The following DTNBP1 variants were observed in gnomAD, a reference collection of about 807,000 sequenced individuals.
DTNBP1 encodes the protein dysbindin.
In DTNBP1, 35 loss-of-function variants were observed where a neutral mutation model predicts 42.8. The observed-to-expected ratio is 0.82, with a 90% CI of 0.63 to 1.09. The LOEUF is 1.09. Ranked by LOEUF, DTNBP1 falls within the 50% of genes least tolerant of loss-of-function variation. DTNBP1 has a pLI of 0.00. For synonymous variants in DTNBP1, 171 were observed against 162.2 expected, an observed-to-expected ratio of 1.05 and a Z score of -0.41; for missense variants, 457 against 424.2, an observed-to-expected ratio of 1.08 and a Z score of -0.68.
At chr6:15,633,972 A>T (rs2113758505) in intron 4 of DTNBP1, among the ~76,000 whole-genome samples, 1 of 152,314 alleles carries the variant, frequency 6.6e-6, no homozygotes, top group African/African-American at 2.4e-5. Flanking sequence ...ATGCACTAAG[A>T]AACTAAAAAA....
chr6:15,655,299 C>G (rs1761219627), intron 1 of DTNBP1, among the ~76,000 whole-genome samples: 1 of 151,886 alleles, frequency 6.6e-6, no homozygotes, highest in East Asian at 1.9e-4. Context: ...TTTTTAAAAA[C>G]CCTTTGTAGA....
chr6:15,569,343 G>A (rs2619534), intron 7 of DTNBP1, among the ~76,000 whole-genome samples: 22,786 of 146,122 alleles, frequency 0.16, 2,708 homozygotes, highest in African/African-American at 0.31. Flanking sequence ...GCTGAAGTCA[G>A]CCAGTTAAGA....
intron 7 of DTNBP1, among the ~76,000 whole-genome samples, chr6:15,543,628 G>A (rs1035339944): frequency 6.6e-6 from 1 of 152,186 alleles, no homozygotes; most frequent in South Asian, 2.1e-4. Flanking sequence ...CAATATGTCA[G>A]TATGTTCAGC....
In DTNBP1 at chr6:15,589,613, G is replaced by T. The variant is rs1157404983; in HGVS notation, c.511+3446C>A. On this transcript the variant is annotated intron_variant, in intron 7 of 9. Transcript: ENST00000344537. ...TATTTCTGCTTCTGAGCCTAGCCCTGAAAATTCAGATTATCATTCCTTACG... is the reference window on the plus strand; with the variant it reads ...TATTTCTGCTTCTGAGCCTAGCCCTTAAAATTCAGATTATCATTCCTTACG... 2.0e-5 allele frequency among the ~76,000 whole-genome samples: 3 copies of T among 152,158 alleles called. No individual in the cohort carries two copies. In the East Asian group the frequency reaches 5.8e-4, roughly 29 times the overall value.
intron 1 of DTNBP1, among the ~76,000 whole-genome samples, chr6:15,655,384 C>T (rs1761223317): frequency 6.6e-6 from 1 of 152,118 alleles, no homozygotes; most frequent in Admixed American, 6.5e-5. Flanking sequence ...CTCAGCCTCC[C>T]CAAGTGCTGG....
At chr6:15,531,350 C>T (rs1325563893) in intron 8 of DTNBP1, among the ~76,000 whole-genome samples, 1 of 152,152 alleles carries the variant, frequency 6.6e-6, no homozygotes, top group Admixed American at 6.5e-5. Flanking sequence ...TGGGAAGCCA[C>T]TCTCTACAAT....
At chr6:15,584,040 G>A (rs949879698) in intron 7 of DTNBP1, among the ~76,000 whole-genome samples, 5 of 152,054 alleles carry the variant, frequency 3.3e-5, no homozygotes, top group African/African-American at 9.7e-5. Context: ...AACTGTCTTA[G>A]AGCCAAAATT....
intron 2 of DTNBP1, 55 bp from the exon 3 acceptor site, chr6:15,651,418 A>G: frequency 6.2e-7 from 1 of 1,605,436 alleles, no homozygotes; most frequent in Admixed American, 1.7e-5. Flanking sequence ...ACTGAAAAAA[A>G]AAAAAAGGTA....
intron 7 of DTNBP1, among the ~76,000 whole-genome samples, chr6:15,571,705 T>C (rs919716939): frequency 6.6e-6 from 1 of 152,180 alleles, no homozygotes; most frequent in African/African-American, 2.4e-5. Context: ...ATTCATAGTA[T>C]TGTCACTATT....
chr6:15,572,094 G>A (rs1455264472), intron 7 of DTNBP1, among the ~76,000 whole-genome samples: 1 of 152,032 alleles, frequency 6.6e-6, no homozygotes, highest in African/African-American at 2.4e-5. Flanking sequence ...ATTATAATTA[G>A]CATGAATTCA....
At chr6:15,609,506 A>C (rs1453908471) in intron 6 of DTNBP1, among the ~76,000 whole-genome samples, 2 of 152,024 alleles carry the variant, frequency 1.3e-5, no homozygotes, top group Non-Finnish European at 2.9e-5. Flanking sequence ...TTTTTAGTAG[A>C]GACAGGTTTT....
chr6:15,548,442 C>CACACAGACACACACAG (rs780253636), intron 7 of DTNBP1: 2 of 41,082 alleles, frequency 4.9e-5, no homozygotes, highest in African/African-American at 1.4e-4. Context: ...CACACAGACA[C>CACACAGACACACACAG]ACACACACAC....
intron 1 of DTNBP1, chr6:15,660,263 C>T: frequency 2.2e-6 from 2 of 890,866 alleles, no homozygotes; most frequent in Non-Finnish European, 3.2e-6. Flanking sequence ...CACATGTGTG[C>T]TGTGTTTAGC....
At chr6:15,542,984 G>T (rs994293893) in intron 7 of DTNBP1, among the ~76,000 whole-genome samples, 7 of 152,266 alleles carry the variant, frequency 4.6e-5, no homozygotes, top group Admixed American at 4.6e-4. Flanking sequence ...ACAGGCATGA[G>T]ACACCGTGCC....
In DTNBP1 at chr6:15,587,411, A is replaced by G. The variant is rs1776123805; in HGVS notation, c.511+5648T>C. ...TTAGAATTGTCAAAATGATCCTAAA[A>G]TTTATATGAAAAGACGAAGGACCTT... On this transcript the variant is annotated intron_variant, in intron 7 of 9. Coordinates refer to ENST00000344537, the MANE Select transcript of DTNBP1 (RefSeq NM_032122.5). The surrounding 1 kb of genome is among the most constrained non-coding windows in gnomAD (Gnocchi z 4.1). Among the ~76,000 whole-genome samples, 1 of 152,206 alleles carries G rather than the reference A, an allele frequency of 6.6e-6. No homozygotes were observed. Among genetic ancestry groups the G allele is most frequent in the Admixed American group, 6.5e-5 (1 of 15,276 alleles).
intron 5 of DTNBP1, among the ~76,000 whole-genome samples, chr6:15,617,874 T>G (rs539087151): frequency 7.2e-5 from 11 of 151,726 alleles, no homozygotes; most frequent in African/African-American, 2.7e-4. Context: ...ATAGACAAAC[T>G]AGACTGTATC....
chr6:15,585,789 A>C, intron 7 of DTNBP1: 1 of 1,531,800 alleles, frequency 6.5e-7, no homozygotes, highest in Non-Finnish European at 8.7e-7. Flanking sequence ...GAGTGAACAG[A>C]AGCTCAGTGC....
intron 7 of DTNBP1, among the ~76,000 whole-genome samples, chr6:15,554,187 T>G (rs1774380145): frequency 1.3e-5 from 2 of 152,240 alleles, no homozygotes; most frequent in African/African-American, 4.8e-5. Context: ...GGTCTTCATT[T>G]CTGAAGGCTC....
At chr6:15,590,568 C>T (rs935740654) in intron 7 of DTNBP1, among the ~76,000 whole-genome samples, 1 of 152,148 alleles carries the variant, frequency 6.6e-6, no homozygotes, top group Non-Finnish European at 1.5e-5. Flanking sequence ...AATGGAATTC[C>T]TTCCCCATTA....
Sources: gnomAD v4.1 joint callset for allele counts (sites outside exome capture counted in the v4.1 genomes callset) on GRCh38, gnomAD v4.1.1 for gene constraint, Gnocchi (gnomAD v3.1) non-coding constraint, MANE v1.5 for transcripts, NCBI Gene and HGNC (gene_info 2026-07-23, HGNC 2026-07-21) for gene names.